PCDHGA10: variants seen among roughly 807,000 people sequenced by gnomAD.
PCDHGA10 encodes the protein protocadherin gamma-A10.
PCDHGA10 carries 42 observed loss-of-function variants against 59.5 expected under a neutral mutation model. The observed-to-expected ratio is 0.71, with a 90% CI of 0.55 to 0.91. PCDHGA10 has a LOEUF of 0.91. Among genes scored for constraint, PCDHGA10 ranks in the 40% least tolerant of loss-of-function variants. The pLI is 0.00. For synonymous variants in PCDHGA10, 511 were observed against 517.2 expected (o/e 0.99, Z 0.16); for missense variants, 1,111 against 1,198.2 (o/e 0.93, Z 1.07).
At chr5:141,422,745 C>G (rs1380262961) in intron 1 of PCDHGA10, 15 of 1,610,564 alleles carry the variant, frequency 9.3e-6, no homozygotes, top group Non-Finnish European at 1.3e-5. Flanking sequence ...CCTCCTATGT[C>G]TCTATTAACT....
Position 141,511,212 on chromosome 5 carries a change from C to T in PCDHGA10, c.*39C>T. ...CCAAGAGCCACAGGGCGGCCTCTCC[C>T]CAACCAGCCCAGCTTCTCCTTACCT... is the stretch of plus-strand genomic sequence containing the variant. On this transcript the variant is annotated 3_prime_UTR_variant, in exon 4 of 4. Coordinates refer to ENST00000398610, the MANE Select transcript of PCDHGA10 (RefSeq NM_018913.3). 6.2e-7 allele frequency: 1 copy of T among 1,608,656 alleles called. No individual in the cohort carries two copies. Among genetic ancestry groups the T allele is most frequent in the Non-Finnish European group, 8.5e-7 (1 of 1,177,502 alleles).
chr5:141,457,413 A>C (rs939244132), intron 1 of PCDHGA10, among the ~76,000 whole-genome samples: 6 of 152,142 alleles, frequency 3.9e-5, no homozygotes, highest in Non-Finnish European at 5.9e-5. Flanking sequence ...CACATTACCC[A>C]TCCCTTTTTC....
intron 1 of PCDHGA10, among the ~76,000 whole-genome samples, chr5:141,462,430 T>C (rs1471523013): frequency 2.0e-5 from 3 of 152,230 alleles, no homozygotes; most frequent in African/African-American, 4.8e-5. Flanking sequence ...TTGGTGAGTG[T>C]TGCTTACACA....
At chr5:141,470,037 G>C (rs76537989) in intron 1 of PCDHGA10, among the ~76,000 whole-genome samples, 14 of 152,138 alleles carry the variant, frequency 9.2e-5, no homozygotes, top group Non-Finnish European at 1.5e-4. Flanking sequence ...GCTGAGGCGC[G>C]AGAACTGTTT....
intron 1 of PCDHGA10, among the ~76,000 whole-genome samples, chr5:141,455,393 C>G (rs574741955): frequency 6.4e-4 from 97 of 152,150 alleles, no homozygotes; most frequent in African/African-American, 2.2e-3. Flanking sequence ...GAAGGAGCTC[C>G]CCCTTACAGA....
At chr5:141,499,679 T>G (rs2099793341) in intron 2 of PCDHGA10, among the ~76,000 whole-genome samples, 1 of 150,922 alleles carries the variant, frequency 6.6e-6, no homozygotes, top group South Asian at 2.1e-4. Context: ...CCACCATCTT[T>G]AACAGATGAC....
At chr5:141,437,983 A>C (rs544812394) in intron 1 of PCDHGA10, among the ~76,000 whole-genome samples, 1 of 152,056 alleles carries the variant, frequency 6.6e-6, no homozygotes, top group Admixed American at 6.5e-5. Context: ...GGATGCACCC[A>C]CCCCACCTCA....
At chr5:141,422,005 A>T in intron 1 of PCDHGA10, 1 of 1,609,814 alleles carries the variant, frequency 6.2e-7, no homozygotes, top group East Asian at 2.2e-5. Flanking sequence ...CAGCTCCGGA[A>T]CTCGGGTGCT....
At chr5:141,425,448 C>G (rs897473729) in intron 1 of PCDHGA10, among the ~76,000 whole-genome samples, 1 of 152,164 alleles carries the variant, frequency 6.6e-6, no homozygotes, top group African/African-American at 2.4e-5. Flanking sequence ...AAATAAAACA[C>G]CATCACATTT....
intron 1 of PCDHGA10, chr5:141,428,207 T>G (rs1213295979): frequency 7.6e-7 from 1 of 1,308,340 alleles, no homozygotes; most frequent in African/African-American, 1.4e-5. Context: ...GCCGCTACGC[T>G]TCACCTAGTC....
intron 1 of PCDHGA10, among the ~76,000 whole-genome samples, chr5:141,420,742 A>T (rs967908996): frequency 6.6e-6 from 1 of 152,254 alleles, no homozygotes; most frequent in African/African-American, 2.4e-5. Flanking sequence ...AATCAATTGG[A>T]ACCAACTACA....
At position 141,415,066 on chromosome 5, in the gene PCDHGA10, C is replaced by G; in HGVS notation, c.1891C>G (p.Arg631Gly). The G allele has an allele frequency of 6.2e-7, 1 of 1,613,410 alleles. No individual in the cohort carries two copies. Among genetic ancestry groups the G allele is most frequent in the Non-Finnish European group, 8.5e-7 (1 of 1,179,946 alleles). ...FAVGEHTGEVRTARALLDRDA... is the reference protein window; with the variant it reads ...FAVGEHTGEVGTARALLDRDA... ...GGTGGGGGAGCACACGGGCGAGGTG[C>G]GCACGGCGCGAGCCCTGCTGGACAG... Residue 631 changes from arginine (R) to glycine (G), a missense_variant, in exon 1 of 4, where the codon CGC becomes GGC. Arg to Gly is a moderately radical substitution (Grantham distance 125). Coordinates refer to ENST00000398610, the MANE Select transcript of PCDHGA10 (RefSeq NM_018913.3).
intron 2 of PCDHGA10, among the ~76,000 whole-genome samples, chr5:141,501,110 G>A (rs1373404247): frequency 2.6e-5 from 4 of 151,908 alleles, no homozygotes; most frequent in Admixed American, 6.6e-5. Flanking sequence ...CTCGTGATCC[G>A]CCTGCCTCAG....
At chr5:141,441,831 C>T in intron 1 of PCDHGA10, 3 of 352,742 alleles carry the variant, frequency 8.5e-6, no homozygotes, top group South Asian at 7.2e-5. Context: ...AGCGCAATGG[C>T]TTCGCGCTCT....
intron 1 of PCDHGA10, among the ~76,000 whole-genome samples, chr5:141,467,421 G>T (rs957302311): frequency 6.6e-6 from 1 of 152,100 alleles, no homozygotes; most frequent in African/African-American, 2.4e-5. Flanking sequence ...CCACACCTAG[G>T]TTATAGAAAC....
chr5:141,439,445 G>T (rs1030957687), intron 1 of PCDHGA10, among the ~76,000 whole-genome samples: 1 of 152,102 alleles, frequency 6.6e-6, no homozygotes, highest in Non-Finnish European at 1.5e-5. Context: ...ATTTTATTGC[G>T]GGAGCAAGAC....
chr5:141,428,320 T>C (rs2097132935), intron 1 of PCDHGA10: 2 of 650,176 alleles, frequency 3.1e-6, no homozygotes, highest in Admixed American at 2.2e-5. Context: ...GGCCTTGGCC[T>C]TGATTTCTAT....
intron 2 of PCDHGA10, among the ~76,000 whole-genome samples, chr5:141,499,326 C>G (rs1465474737): frequency 6.6e-6 from 1 of 152,156 alleles, no homozygotes; most frequent in Non-Finnish European, 1.5e-5. Flanking sequence ...TATCCCTGCT[C>G]TCTCTCAGTT....
intron 1 of PCDHGA10, chr5:141,424,664 A>G (rs923488035): frequency 1.3e-5 from 2 of 152,124 alleles, no homozygotes; most frequent in African/African-American, 4.8e-5. Context: ...CTTTAATTAA[A>G]CTGATTTAGC....
Sources: allele counts gnomAD v4.1 joint callset (sites outside exome capture counted in the v4.1 genomes callset), GRCh38; gene constraint gnomAD v4.1.1; transcripts MANE v1.5; gene names NCBI Gene and HGNC (gene_info 2026-07-23, HGNC 2026-07-21).